PPP1R12A: variants seen among roughly 807,000 people sequenced by gnomAD.
The protein encoded by PPP1R12A is protein phosphatase 1 regulatory subunit 12A.
A neutral mutation model predicts 139.6 loss-of-function variants in PPP1R12A; 19 were observed. The ratio of observed to expected loss-of-function variants is 0.14; its 90% CI spans 0.09 to 0.20. The LOEUF is 0.20. Among genes scored for constraint, PPP1R12A ranks in the 10% least tolerant of loss-of-function variants. The pLI is 1.00. For missense variants in PPP1R12A, 925 were observed against 1,211.5 expected (o/e 0.76, Z 3.51); for synonymous variants, 427 against 420.6 (o/e 1.02, Z -0.19).
chr12:79,889,159 A>T (rs981422426), intron 1 of PPP1R12A, among the ~76,000 whole-genome samples: 1 of 152,208 alleles, frequency 6.6e-6, no homozygotes, highest in African/African-American at 2.4e-5. Flanking sequence ...GACCAATGTG[A>T]TATATTTTGT....
chr12:79,789,761 T>G (rs1226234532), intron 20 of PPP1R12A: 6 of 392,178 alleles, frequency 1.5e-5, no homozygotes, highest in Non-Finnish European at 2.9e-5. Context: ...AGATGGATAA[T>G]TTTGAATTAG....
At chr12:79,927,367 T>C (rs1887924469) in intron 1 of PPP1R12A, among the ~76,000 whole-genome samples, 1 of 152,226 alleles carries the variant, frequency 6.6e-6, no homozygotes, top group Admixed American at 6.5e-5. Flanking sequence ...AAAAATAATC[T>C]TGGCACTTCC....
chr12:79,847,882 G>A (rs1879588359), intron 2 of PPP1R12A, among the ~76,000 whole-genome samples: 1 of 152,162 alleles, frequency 6.6e-6, no homozygotes, highest in Non-Finnish European at 1.5e-5. Context: ...TATACAGCCA[G>A]ATGGAGGCCC....
chr12:79,878,889 A>G (rs1883366976), intron 1 of PPP1R12A, among the ~76,000 whole-genome samples: 1 of 152,134 alleles, frequency 6.6e-6, no homozygotes, highest in Non-Finnish European at 1.5e-5. Context: ...ACACAGCCAA[A>G]ACATCAACTT....
intron 1 of PPP1R12A, among the ~76,000 whole-genome samples, chr12:79,912,409 C>T (rs896963435): frequency 2.0e-5 from 3 of 152,120 alleles, no homozygotes; most frequent in African/African-American, 7.2e-5. Flanking sequence ...TAATGAAACA[C>T]TGCCAGGCAT....
chr12:79,786,650 T>G, intron 21 of PPP1R12A, 172 bp from the exon 22 acceptor site: 1 of 476,146 alleles, frequency 2.1e-6, no homozygotes, highest in Non-Finnish European at 3.6e-6. Flanking sequence ...GTTATGCAAG[T>G]GTGTTTGTCC....
intron 3 of PPP1R12A, among the ~76,000 whole-genome samples, chr12:79,843,123 C>T (rs1056044132): frequency 1.3e-5 from 2 of 152,054 alleles, no homozygotes; most frequent in African/African-American, 4.8e-5. Context: ...GATTTCCTTC[C>T]TTAAGGCTGA....
At chr12:79,841,606 A>G (rs1396990493) in intron 3 of PPP1R12A, among the ~76,000 whole-genome samples, 1 of 152,230 alleles carries the variant, frequency 6.6e-6, no homozygotes, top group East Asian at 1.9e-4. Context: ...CAAATGCAAG[A>G]AATTTTCAGT....
Position 79,835,836 on chromosome 12 carries a change from A to G in PPP1R12A, c.488-3345T>C, listed in dbSNP as rs571572294. ...ATCTAGACCTCCACATAGGTCCCCA[A>G]GTACATCATGGTCTCTGCTGTCATG... On this transcript the variant is annotated intron_variant, in intron 3 of 24. Coordinates refer to ENST00000450142, the MANE Select transcript of PPP1R12A (RefSeq NM_002480.3). Among the ~76,000 whole-genome samples the G allele has an allele frequency of 3.3e-5, 5 of 152,280 alleles. No individual in the cohort carries two copies. The East Asian group carries it at 9.6e-4, about 29-fold the overall frequency.
At chr12:79,792,587 GTTCCTC>G (rs1345956834) in intron 19 of PPP1R12A, among the ~76,000 whole-genome samples, 1 of 152,142 alleles carries the variant, frequency 6.6e-6, no homozygotes, top group Non-Finnish European at 1.5e-5. Context: ...TAGAAACAAT[GTTCCTC>G]TTCATCTTAA....
chr12:79,801,947 C>A (rs187969579), intron 14 of PPP1R12A, among the ~76,000 whole-genome samples: 133 of 152,246 alleles, frequency 8.7e-4, no homozygotes, highest in African/African-American at 2.8e-3. Flanking sequence ...CACTATTATA[C>A]TTTGACTTTA....
intron 9 of PPP1R12A, among the ~76,000 whole-genome samples, chr12:79,813,953 T>G (rs1874923538): frequency 6.6e-6 from 1 of 152,170 alleles, no homozygotes; most frequent in Non-Finnish European, 1.5e-5. Context: ...TAACTTTATC[T>G]AAATATTAGA....
At chr12:79,873,539 G>T (rs1882789111) in intron 1 of PPP1R12A, among the ~76,000 whole-genome samples, 1 of 149,794 alleles carries the variant, frequency 6.7e-6, no homozygotes, top group Admixed American at 6.7e-5. Context: ...AGTGGCTCAT[G>T]CTTGTAATCC....
intron 11 of PPP1R12A, 55 bp from the exon 12 acceptor site, chr12:79,807,385 A>G: frequency 9.1e-7 from 1 of 1,100,456 alleles, no homozygotes; most frequent in South Asian, 1.4e-5. Context: ...TAGGATTAAG[A>G]AAGCGGTACA....
At position 79,934,997 on chromosome 12, in the gene PPP1R12A, G is replaced by A. The variant is rs1323038685; in HGVS notation, c.-66C>T. ...AAGGGGGAGGCGGAGAGGGAAGAGA[G>A]GGGAGGCAGGGGGTGTGTGAATGTT... On this transcript the variant is annotated 5_prime_UTR_variant, in exon 1 of 25. Coordinates refer to ENST00000450142, the MANE Select transcript of PPP1R12A (RefSeq NM_002480.3). The A allele has an allele frequency of 2.3e-5, 35 of 1,494,470 alleles. No individual in the cohort carries two copies. 92.6% of individuals were successfully genotyped at this position (1,494,470 alleles called of 1,614,324 possible). A position where few individuals can be genotyped will look rare whatever the true frequency, so the allele number is the denominator to read the frequency against.
chr12:79,885,972 A>T (rs1435336840), intron 1 of PPP1R12A, among the ~76,000 whole-genome samples: 1 of 152,170 alleles, frequency 6.6e-6, no homozygotes, highest in Non-Finnish European at 1.5e-5. Flanking sequence ...CTGGCATTAC[A>T]GGTGTGAGCC....
chr12:79,856,581 CTT>C (rs1278002734), intron 2 of PPP1R12A, among the ~76,000 whole-genome samples: 5 of 152,270 alleles, frequency 3.3e-5, no homozygotes, highest in African/African-American at 1.2e-4. Context: ...TTCGAACTGT[CTT>C]TAGAGTGAAC....
At chr12:79,805,210 G>A (rs1873675665) in intron 14 of PPP1R12A, among the ~76,000 whole-genome samples, 1 of 152,138 alleles carries the variant, frequency 6.6e-6, no homozygotes, top group Admixed American at 6.5e-5. Flanking sequence ...TTAATAATGG[G>A]AGGAAACAAT....
At chr12:79,863,881 A>G (rs911294648) in intron 2 of PPP1R12A, among the ~76,000 whole-genome samples, 1 of 152,092 alleles carries the variant, frequency 6.6e-6, no homozygotes, top group Non-Finnish European at 1.5e-5. Context: ...CTTCCACACA[A>G]TAATAGTGGG....
Sources: gnomAD v4.1 joint callset for allele counts (sites outside exome capture counted in the v4.1 genomes callset) on GRCh38, gnomAD v4.1.1 for gene constraint, MANE v1.5 for transcripts, NCBI Gene and HGNC (gene_info 2026-07-23, HGNC 2026-07-21) for gene names.